SPAG9: variants seen among roughly 807,000 people sequenced by gnomAD.
SPAG9 encodes the protein sperm associated antigen 9.
In SPAG9, 35 loss-of-function variants were observed where a neutral mutation model predicts 166.5. The ratio of observed to expected loss-of-function variants is 0.21; its 90% CI spans 0.16 to 0.28. The LOEUF is 0.28. Among genes scored for constraint, SPAG9 ranks in the 10% least tolerant of loss-of-function variants. SPAG9 has a pLI of 1.00. For synonymous variants in SPAG9, 534 were observed against 565.5 expected (o/e 0.94, Z 0.79); for missense variants, 1,235 against 1,603.3 (o/e 0.77, Z 3.92).
intron 13 of SPAG9, among the ~76,000 whole-genome samples, chr17:51,001,280 A>C (rs2143959325): frequency 6.6e-6 from 1 of 152,378 alleles, no homozygotes; most frequent in African/African-American, 2.4e-5. Context: ...TCTGACTGAA[A>C]GATACCAATG....
intron 1 of SPAG9, among the ~76,000 whole-genome samples, chr17:51,088,785 G>C (rs1332344177): frequency 6.6e-6 from 1 of 151,382 alleles, no homozygotes; most frequent in Non-Finnish European, 1.5e-5. Context: ...GCAACACAGT[G>C]AGACTCCGTC....
At chr17:51,086,033 A>G (rs1271194246) in intron 1 of SPAG9, among the ~76,000 whole-genome samples, 2 of 142,202 alleles carry the variant, frequency 1.4e-5, no homozygotes, top group Non-Finnish European at 3.0e-5. Flanking sequence ...CAGTGGTGCA[A>G]TCTCAGCTCA....
intron 15 of SPAG9, among the ~76,000 whole-genome samples, chr17:50,998,022 ATTTTTTTTTTTTTTT>A (rs563896612): frequency 6.6e-5 from 6 of 90,804 alleles, no homozygotes; most frequent in South Asian, 8.4e-4. Flanking sequence ...TACAGAAATG[ATTTTTTTTTTTTTTT>A]TTTTTTTTTT....
At chr17:51,099,803 T>C (rs189871724) in intron 1 of SPAG9, among the ~76,000 whole-genome samples, 238 of 139,580 alleles carry the variant, frequency 1.7e-3, no homozygotes, top group Non-Finnish European at 3.1e-3. Flanking sequence ...GAAATTGTTA[T>C]CTTAAAAAAG....
intron 21 of SPAG9, among the ~76,000 whole-genome samples, chr17:50,989,336 C>T (rs1184440290): frequency 6.6e-6 from 1 of 152,172 alleles, no homozygotes; most frequent in Admixed American, 6.5e-5. Flanking sequence ...ATAAGCCATA[C>T]CATCTAGATT....
At chr17:51,056,116 T>C (rs1472632864) in intron 3 of SPAG9, among the ~76,000 whole-genome samples, 1 of 152,164 alleles carries the variant, frequency 6.6e-6, no homozygotes. Context: ...AGAAACTTCA[T>C]TATGTGCACA....
chr17:50,996,381 A>AT (rs1013451473), intron 16 of SPAG9, 184 bp downstream of exon 16: 16 of 632,574 alleles, frequency 2.5e-5, no homozygotes, highest in Non-Finnish European at 4.0e-5. Context: ...AGAGCATTTC[A>AT]TTTGAGTTCT....
At chr17:51,049,895 G>T (rs111628894) in intron 3 of SPAG9, among the ~76,000 whole-genome samples, 2,460 of 152,246 alleles carry the variant, frequency 0.016, 25 homozygotes, top group Non-Finnish European at 0.026. Flanking sequence ...ACGGCGCCCA[G>T]CCGTGAATTC....
chr17:51,075,967 C>T (rs1568064176), intron 2 of SPAG9, among the ~76,000 whole-genome samples: 1 of 151,806 alleles, frequency 6.6e-6, no homozygotes, highest in Non-Finnish European at 1.5e-5. Flanking sequence ...TGATGGCAGG[C>T]ACCTGTAATC....
In SPAG9 at chr17:50,970,504, C is replaced by T. The variant is rs534474646; in HGVS notation, c.3850+203G>A. Among the ~76,000 whole-genome samples the T allele has an allele frequency of 9.9e-4, 131 of 132,350 alleles. 1 individual carries two copies. The highest frequency in any genetic ancestry group is 4.2e-3 in the Middle Eastern group (1 of 240). The allele number at this position is 132,350 out of a possible 152,430, so 86.8% of individuals were successfully genotyped here. The stretch of plus-strand genomic sequence containing the variant: ...CTCCAGCCTGGGTGACAGAGTGAGA[C>T]GTCATCTCAAAAAAAAAAAAAAAAG... On this transcript the variant is annotated intron_variant, in intron 29 of 29. Coordinates refer to ENST00000262013, the MANE Select transcript of SPAG9 (RefSeq NM_001130528.3).
chr17:50,996,525 T>G, intron 16 of SPAG9, 40 bp downstream of exon 16: 1 of 1,613,038 alleles, frequency 6.2e-7, no homozygotes, highest in Non-Finnish European at 8.5e-7. Flanking sequence ...ACTTGCCCTC[T>G]TCTTTCCTGC....
intron 5 of SPAG9, among the ~76,000 whole-genome samples, chr17:51,035,468 T>C (rs2046550025): frequency 6.6e-6 from 1 of 152,230 alleles, no homozygotes; most frequent in Non-Finnish European, 1.5e-5. Flanking sequence ...TAACAATAGA[T>C]ATGATTCAAC....
At chr17:50,975,046 C>A in intron 27 of SPAG9, 99 bp from the exon 28 acceptor site, 2 of 1,148,044 alleles carry the variant, frequency 1.7e-6, no homozygotes. Context: ...CTAAAAGCTA[C>A]AGCCAGTTGA....
chr17:51,055,773 A>G (rs1187719379), intron 3 of SPAG9, among the ~76,000 whole-genome samples: 1 of 152,176 alleles, frequency 6.6e-6, no homozygotes, highest in Non-Finnish European at 1.5e-5. Context: ...ATACAAAAAT[A>G]ATTTTCACAT....
intron 18 of SPAG9, 65 bp from the exon 19 acceptor site, chr17:50,994,000 G>T: frequency 1.4e-6 from 2 of 1,388,750 alleles, no homozygotes; most frequent in Non-Finnish European, 1.0e-6. Flanking sequence ...ATAAGGTGGT[G>T]CTGTTACAGT....
At chr17:51,058,187 A>ATAG (rs1425279030) in intron 2 of SPAG9, among the ~76,000 whole-genome samples, 18 of 152,348 alleles carry the variant, frequency 1.2e-4, no homozygotes, top group Non-Finnish European at 2.9e-5. Context: ...TTTGTGCTCA[A>ATAG]TAGTAGAGCC....
intron 9 of SPAG9, chr17:51,007,874 T>C: frequency 2.2e-6 from 1 of 445,314 alleles, no homozygotes; most frequent in South Asian, 1.6e-5. Flanking sequence ...GCATTCCATG[T>C]AAAGCAAAAA....
chr17:51,108,624 G>A (rs2049020099), intron 1 of SPAG9, among the ~76,000 whole-genome samples: 1 of 151,844 alleles, frequency 6.6e-6, no homozygotes. Context: ...AGCGTCTCAA[G>A]TAGCTGGAGC....
At chr17:50,988,386 T>G (rs1181444437) in intron 21 of SPAG9, among the ~76,000 whole-genome samples, 3 of 152,212 alleles carry the variant, frequency 2.0e-5, no homozygotes, top group Non-Finnish European at 4.4e-5. Context: ...TAATTAATCT[T>G]TCTTACTTTA....
Sources: allele counts gnomAD v4.1 joint callset (sites outside exome capture counted in the v4.1 genomes callset), GRCh38; gene constraint gnomAD v4.1.1; transcripts MANE v1.5; gene names NCBI Gene and HGNC (gene_info 2026-07-23, HGNC 2026-07-21).